Variants in SERINC5 observed in about 807,000 individuals in gnomAD.
SERINC5 encodes chromosome 5 open reading frame 12.
Under a neutral mutation model 63.1 loss-of-function variants are expected in SERINC5, and 41 were observed. The observed-to-expected ratio is 0.65, with a 90% CI of 0.51 to 0.84. The LOEUF (loss-of-function observed/expected upper bound fraction) is 0.84. Ranked by LOEUF, SERINC5 falls within the 40% of genes least tolerant of loss-of-function variation. The pLI is 0.00. For synonymous variants in SERINC5, 222 were observed against 215.2 expected, an observed-to-expected ratio of 1.03 and a Z score of -0.28; for missense variants, 523 against 573.0, an observed-to-expected ratio of 0.91 and a Z score of 0.89.
At chr5:80,237,880 G>T (rs1158052646) in intron 1 of SERINC5, among the ~76,000 whole-genome samples, 1 of 151,874 alleles carries the variant, frequency 6.6e-6, no homozygotes, top group Non-Finnish European at 1.5e-5. Flanking sequence ...CAAGGCGGGT[G>T]GATCACGAGG....
rs988439215 is a variant in SERINC5, at chr5:80,172,890, C to T, written c.551+2064G>A. Among the ~76,000 whole-genome samples the T allele has an allele frequency of 2.0e-5, 3 of 152,110 alleles. No individual in the cohort carries two copies. In the East Asian group the frequency reaches 5.8e-4, roughly 29 times the overall value. ...CTTTCAGTTAATTTATGTTTACAGTCCATCCCAAAGTTAAATCTTCAACCC... is the reference window on the plus strand; with the variant it reads ...CTTTCAGTTAATTTATGTTTACAGTTCATCCCAAAGTTAAATCTTCAACCC... On this transcript the variant is annotated intron_variant, in intron 5 of 11. Transcript: ENST00000507668.
chr5:80,178,040 T>C lies in SERINC5; in HGVS notation c.220A>G (p.Lys74Glu), dbSNP rs1561398483. 1 of 1,599,718 alleles carries C rather than the reference T, an allele frequency of 6.3e-7. No individual in the cohort carries two copies. Among genetic ancestry groups the C allele is most frequent in the Admixed American group, 1.8e-5 (1 of 55,886 alleles). The change falls in exon 3 of 12, where the codon AAA becomes GAA. Residue 74 changes from lysine (K) to glutamate (E), a missense_variant. Lys to Glu is a moderately conservative substitution (Grantham distance 56). Transcript: ENST00000507668. Reference sequence around the variant, plus strand: ...CAGGTGTCACCAGCTTTAATGCCTTTACACATATCTTCAAAAAAAGGAATC... The same window carrying C: ...CAGGTGTCACCAGCTTTAATGCCTTCACACATATCTTCAAAAAAAGGAATC... The part of the protein sequence containing the change: ...EHIPFFEDMC[K>E]GIKAGDTCEK...
chr5:80,147,287 G>A lies in SERINC5; in HGVS notation c.1054-3C>T. 6.2e-7 allele frequency: 1 copy of A among 1,605,758 alleles called. No individual in the cohort carries two copies. The highest frequency in any genetic ancestry group is 1.3e-5 in the African/African-American group (1 of 74,918). ...AAGCAAAAACAACAGCGAGCTATCTGTGAAAGCAAAAGCAACAGTCAGGCG... is the reference window on the plus strand; with the variant it reads ...AAGCAAAAACAACAGCGAGCTATCTATGAAAGCAAAAGCAACAGTCAGGCG... On this transcript the variant is annotated splice_polypyrimidine_tract_variant and splice_region_variant and intron_variant, in intron 9 of 11. Transcript: ENST00000507668.
chr5:80,218,203 C>T (rs11960254), intron 1 of SERINC5, among the ~76,000 whole-genome samples: 49,368 of 152,024 alleles, frequency 0.32, 8,599 homozygotes, highest in African/African-American at 0.45. Context: ...ACAGTTAAAA[C>T]GAAAAGCCAG....
intron 7 of SERINC5, among the ~76,000 whole-genome samples, chr5:80,162,479 T>C (rs576333044): frequency 6.6e-6 from 1 of 152,288 alleles, no homozygotes; most frequent in African/African-American, 2.4e-5. Flanking sequence ...GCTCAGGTGA[T>C]CCTCCAACCT....
chr5:80,202,573 G>A (rs1749911736), intron 2 of SERINC5, among the ~76,000 whole-genome samples: 1 of 151,006 alleles, frequency 6.6e-6, no homozygotes, highest in Admixed American at 6.6e-5. Context: ...TATCAACATA[G>A]CAAAATTGCA....
At chr5:80,195,730 C>T (rs757286175) in intron 2 of SERINC5, among the ~76,000 whole-genome samples, 2 of 152,178 alleles carry the variant, frequency 1.3e-5, no homozygotes, top group Non-Finnish European at 2.9e-5. Context: ...CTCCAAGAAC[C>T]ACAGAAGTAT....
chr5:80,233,337 G>A (rs1335977341), intron 1 of SERINC5, among the ~76,000 whole-genome samples: 1 of 152,160 alleles, frequency 6.6e-6, no homozygotes, highest in Non-Finnish European at 1.5e-5. Flanking sequence ...TGAGACAGGA[G>A]AATCACTTGA....
At chr5:80,246,837 T>C (rs1030360022) in intron 1 of SERINC5, among the ~76,000 whole-genome samples, 9 of 152,208 alleles carry the variant, frequency 5.9e-5, no homozygotes, top group Non-Finnish European at 1.2e-4. Flanking sequence ...TCACTGTAAA[T>C]GTTTTAAAAT....
chr5:80,191,109 C>CAA (rs1174113042), intron 2 of SERINC5, among the ~76,000 whole-genome samples: 2 of 138,424 alleles, frequency 1.4e-5, no homozygotes, highest in East Asian at 2.1e-4. Context: ...AAACAAAAAC[C>CAA]AAAAAAAAAA....
In SERINC5 at chr5:80,140,089, G is replaced by A. The variant is rs150653642; in HGVS notation, c.*3574C>T. ...TTACGCCTATAATCCCAGCACTTTG[G>A]GAAGCCAAGGCGGGCACATTGCTTG... On this transcript the variant is annotated 3_prime_UTR_variant, in exon 12 of 12. Coordinates refer to ENST00000507668, the MANE Select transcript of SERINC5 (RefSeq NM_001174072.3). 1.3e-3 allele frequency: 1,266 copies of A among 969,892 alleles called. 16 individuals are homozygous for A. The African/African-American group carries it at 0.021, about 16-fold the overall frequency. The allele number at this position is 969,892 out of a possible 1,614,324, so 60.1% of individuals were successfully genotyped here.
intron 2 of SERINC5, among the ~76,000 whole-genome samples, chr5:80,179,911 T>C (rs1044093182): frequency 6.6e-6 from 1 of 152,250 alleles, no homozygotes; most frequent in African/African-American, 2.4e-5. Context: ...AGATTGCACA[T>C]TTCCCAACTT....
In SERINC5 at chr5:80,140,292, G is replaced by A. The variant is rs1745425567; in HGVS notation, c.*3371C>T. ...ACTGCACTCCAGCGTGGCTGACAGA[G>A]TGAGCCCGTCTCCAAAAAAAAAAAA... On this transcript the variant is annotated 3_prime_UTR_variant, in exon 12 of 12. Transcript: ENST00000507668. 8.7e-6 allele frequency: 8 copies of A among 921,322 alleles called. No homozygotes were observed. Among genetic ancestry groups the A allele is most frequent in the Non-Finnish European group, 1.0e-5 (8 of 802,974 alleles). 57.1% of individuals were successfully genotyped at this position (921,322 alleles called of 1,614,324 possible). A position where few individuals can be genotyped will look rare whatever the true frequency, so the allele number is the denominator to read the frequency against.
intron 1 of SERINC5, among the ~76,000 whole-genome samples, chr5:80,254,843 T>C (rs1752579027): frequency 6.6e-6 from 1 of 152,174 alleles, no homozygotes; most frequent in African/African-American, 2.4e-5. Flanking sequence ...GTGGCCACTC[T>C]AAACAGGACA....
In SERINC5 at chr5:80,198,754, T is replaced by C. The variant is rs1009820418; in HGVS notation, c.195+4132A>G. The C allele has an allele frequency of 3.8e-5, 37 of 975,412 alleles. No individual in the cohort carries two copies. The African/African-American group carries it at 6.1e-4, about 16-fold the overall frequency. 60.4% of individuals were successfully genotyped at this position (975,412 alleles called of 1,614,324 possible). ...TCTGTAGGCCACGAAACAAGCTGAC[T>C]TTGTGGCCAGATGGCCAGCTCCCTT... On this transcript the variant is annotated intron_variant, in intron 2 of 11. Transcript: ENST00000507668.
intron 1 of SERINC5, among the ~76,000 whole-genome samples, chr5:80,218,006 T>C (rs981002374): frequency 6.6e-6 from 1 of 152,208 alleles, no homozygotes; most frequent in Non-Finnish European, 1.5e-5. Context: ...GTTCCACACT[T>C]CTGTATCTAC....
intron 1 of SERINC5, among the ~76,000 whole-genome samples, chr5:80,236,124 C>G (rs1329936190): frequency 6.6e-6 from 1 of 152,146 alleles, no homozygotes; most frequent in Non-Finnish European, 1.5e-5. Context: ...TGACAACTTA[C>G]AATTTGGATA....
intron 1 of SERINC5, among the ~76,000 whole-genome samples, chr5:80,203,643 G>C (rs1213439769): frequency 6.6e-6 from 1 of 152,140 alleles, no homozygotes; most frequent in East Asian, 1.9e-4. Context: ...AAAAGTAATT[G>C]TGGTTTTTGC....
At chr5:80,163,060 G>C (rs1445622492) in intron 7 of SERINC5, among the ~76,000 whole-genome samples, 1 of 151,994 alleles carries the variant, frequency 6.6e-6, no homozygotes, top group East Asian at 1.9e-4. Flanking sequence ...TCACCATGTT[G>C]GCCAAGCTGG....
Sources: allele counts gnomAD v4.1 joint callset (sites outside exome capture counted in the v4.1 genomes callset), GRCh38; gene constraint gnomAD v4.1.1; transcripts MANE v1.5; gene names NCBI Gene and HGNC (gene_info 2026-07-23, HGNC 2026-07-21).